Variants in NEGR1 observed in about 807,000 individuals in gnomAD.
NEGR1 encodes the protein IgLON family member 4.
In NEGR1, 10 loss-of-function variants were observed where a neutral mutation model predicts 40.9. That is an observed-to-expected ratio of 0.24 (90% confidence interval 0.15 to 0.42). The LOEUF (loss-of-function observed/expected upper bound fraction) is 0.42, where lower values mean the gene tolerates loss of function less well. Among genes scored for constraint, NEGR1 ranks in the 10% least tolerant of loss-of-function variants. The pLI is 1.00. For missense variants in NEGR1, 352 were observed against 438.9 expected (o/e 0.80, Z 1.77); for synonymous variants, 185 against 166.8 (o/e 1.11, Z -0.84).
chr1:71,738,763 T>C (rs1655116315), intron 3 of NEGR1, among the ~76,000 whole-genome samples: 1 of 152,108 alleles, frequency 6.6e-6, no homozygotes. Context: ...AGCACTGATA[T>C]GTCTTATATT....
chr1:72,241,960 G>C (rs1294829516), intron 1 of NEGR1, among the ~76,000 whole-genome samples: 1 of 151,598 alleles, frequency 6.6e-6, no homozygotes, highest in Non-Finnish European at 1.5e-5. Context: ...GGGTGAATGA[G>C]TGTTTACCAT....
chr1:72,232,442 T>G (rs1213673989), intron 1 of NEGR1, among the ~76,000 whole-genome samples: 1 of 152,142 alleles, frequency 6.6e-6, no homozygotes, highest in Non-Finnish European at 1.5e-5. Context: ...TTAATCCATT[T>G]AAGTTAGTAT....
intron 6 of NEGR1, among the ~76,000 whole-genome samples, chr1:71,582,262 A>T (rs943575176): frequency 1.3e-5 from 2 of 152,318 alleles, no homozygotes; most frequent in African/African-American, 4.8e-5. Context: ...TATAGAAAAT[A>T]TAAGTGTTTA....
intron 2 of NEGR1, among the ~76,000 whole-genome samples, chr1:71,874,490 C>T (rs1319766641): frequency 6.6e-6 from 1 of 152,188 alleles, no homozygotes; most frequent in African/African-American, 2.4e-5. Context: ...CAACTGCAAA[C>T]TTCCACAGCC....
At chr1:71,831,892 T>C (rs17091774) in intron 2 of NEGR1, among the ~76,000 whole-genome samples, 2,884 of 151,834 alleles carry the variant, frequency 0.019, 98 homozygotes, top group African/African-American at 0.066. Flanking sequence ...GTGGGAGCCC[T>C]GGTTTGAAGG....
intron 1 of NEGR1, among the ~76,000 whole-genome samples, chr1:72,132,014 G>A (rs563245161): frequency 5.3e-5 from 8 of 152,220 alleles, no homozygotes; most frequent in African/African-American, 7.2e-5. Flanking sequence ...CAGGAGAATC[G>A]CTTTAACTTG....
At chr1:71,719,557 C>T (rs375904825) in intron 3 of NEGR1, among the ~76,000 whole-genome samples, 210 of 151,800 alleles carry the variant, frequency 1.4e-3, no homozygotes, top group African/African-American at 4.7e-3. Flanking sequence ...GATAGAGAGA[C>T]CTTCCATGGT....
chr1:71,441,576 T>A (rs773370113), intron 6 of NEGR1, among the ~76,000 whole-genome samples: 1 of 152,126 alleles, frequency 6.6e-6, no homozygotes, highest in Non-Finnish European at 1.5e-5. Context: ...GAAGTAAAAT[T>A]TTACTTTTAG....
At chr1:71,619,759 A>C (rs535042656) in intron 4 of NEGR1, among the ~76,000 whole-genome samples, 2 of 152,142 alleles carry the variant, frequency 1.3e-5, no homozygotes, top group Admixed American at 1.3e-4. Context: ...CAGTGGGATT[A>C]TTTCTTTGCA....
intron 6 of NEGR1, among the ~76,000 whole-genome samples, chr1:71,569,398 T>C (rs1273815291): frequency 6.6e-6 from 1 of 152,064 alleles, no homozygotes; most frequent in Non-Finnish European, 1.5e-5. Flanking sequence ...GAGTAGGAAA[T>C]AGAGCCAGCA....
At chr1:71,806,465 C>T (rs542297429) in intron 2 of NEGR1, among the ~76,000 whole-genome samples, 65 of 151,272 alleles carry the variant, frequency 4.3e-4, no homozygotes, top group African/African-American at 1.5e-3. Flanking sequence ...ATAATTTCAA[C>T]TCAAAATCCT....
intron 2 of NEGR1, among the ~76,000 whole-genome samples, chr1:71,856,055 G>T (rs1557678705): frequency 7.2e-5 from 11 of 151,970 alleles, no homozygotes. Context: ...ATTCCCATGA[G>T]CCCTTCTGAC....
intron 2 of NEGR1, among the ~76,000 whole-genome samples, chr1:71,920,071 C>A (rs1259564265): frequency 6.6e-6 from 1 of 152,144 alleles, no homozygotes; most frequent in Admixed American, 6.5e-5. Context: ...CCTACAACTG[C>A]TCCCCAGAGT....
At chr1:72,276,050 T>C (rs1429752131) in intron 1 of NEGR1, among the ~76,000 whole-genome samples, 1 of 152,070 alleles carries the variant, frequency 6.6e-6, no homozygotes, top group Non-Finnish European at 1.5e-5. Flanking sequence ...TGAGCTATGA[T>C]TGTGCCACTT....
chr1:72,151,860 A>C (rs1651139595), intron 1 of NEGR1, among the ~76,000 whole-genome samples: 1 of 151,886 alleles, frequency 6.6e-6, no homozygotes, highest in Non-Finnish European at 1.5e-5. Context: ...CCAAAGATGT[A>C]GACACCTAAT....
chr1:72,258,462 T>C (rs1655348433), intron 1 of NEGR1, among the ~76,000 whole-genome samples: 2 of 152,126 alleles, frequency 1.3e-5, no homozygotes, highest in Non-Finnish European at 2.9e-5. Flanking sequence ...CCCCCAAATG[T>C]TTAATTATCG....
At chr1:71,938,289 T>C (rs1050118906) in intron 1 of NEGR1, among the ~76,000 whole-genome samples, 7 of 152,060 alleles carry the variant, frequency 4.6e-5, no homozygotes, top group African/African-American at 1.7e-4. Context: ...TTGGCTATGT[T>C]ATGAAATCAT....
Position 71,406,871 on chromosome 1 carries a change from C to G in NEGR1, c.*575G>C, listed in dbSNP as rs1646281004. On this transcript the variant is annotated 3_prime_UTR_variant, in exon 7 of 7. Coordinates refer to ENST00000357731, the MANE Select transcript of NEGR1 (RefSeq NM_173808.3). ...GAACTTACAGGAAAGAGAAGCAGAG[C>G]TGCACAGCCAGTTATATTACAAGGC... The G allele has an allele frequency of 6.6e-6, 1 of 152,460 alleles. No homozygotes were observed. The allele number at this position is 152,460 out of a possible 1,614,324, so 9.4% of individuals were successfully genotyped here.
chr1:72,252,466 T>C (rs539495540), intron 1 of NEGR1, among the ~76,000 whole-genome samples: 1 of 152,228 alleles, frequency 6.6e-6, no homozygotes, highest in African/African-American at 2.4e-5. Context: ...TTTCAAACTA[T>C]AGCATATCAA....
Sources: allele counts gnomAD v4.1 joint callset (sites outside exome capture counted in the v4.1 genomes callset), GRCh38; gene constraint gnomAD v4.1.1; transcripts MANE v1.5; gene names NCBI Gene and HGNC (gene_info 2026-07-23, HGNC 2026-07-21).